Variants in KALRN observed in about 807,000 individuals in gnomAD.
KALRN encodes the protein kalirin RhoGEF kinase.
In KALRN, 70 loss-of-function variants were observed where a neutral mutation model predicts 353.7. The ratio of observed to expected loss-of-function variants is 0.20; its 90% CI spans 0.16 to 0.24. The LOEUF (loss-of-function observed/expected upper bound fraction) is 0.24, where lower values mean the gene tolerates loss of function less well. KALRN is among the 10% of genes least tolerant of loss of function. KALRN has a pLI of 1.00. For synonymous variants in KALRN, 1,391 were observed against 1,434.8 expected (o/e 0.97, Z 0.69); for missense variants, 2,791 against 3,756.7 (o/e 0.74, Z 6.72).
intron 1 of KALRN, among the ~76,000 whole-genome samples, chr3:124,174,205 G>A (rs981851190): frequency 1.3e-5 from 2 of 151,924 alleles, no homozygotes; most frequent in Non-Finnish European, 2.9e-5. Context: ...AGGCTGAGGT[G>A]GATGGATCAC....
At chr3:124,703,962 C>A (rs1220446550) in intron 57 of KALRN, among the ~76,000 whole-genome samples, 2 of 152,154 alleles carry the variant, frequency 1.3e-5, no homozygotes, top group African/African-American at 4.8e-5. Context: ...AGCCACCCAT[C>A]TCACCCAGCC....
chr3:124,675,510 C>CTCT (rs201820481), intron 49 of KALRN: 1 of 122,062 alleles, frequency 8.2e-6, no homozygotes, highest in Admixed American at 9.2e-5. Context: ...TCTTTTCCTC[C>CTCT]TCTTCTTCTT....
At chr3:124,682,028 T>A (rs1456632014) in intron 51 of KALRN, among the ~76,000 whole-genome samples, 1 of 152,162 alleles carries the variant, frequency 6.6e-6, no homozygotes, top group Non-Finnish European at 1.5e-5. Context: ...CACTGCTAGT[T>A]TGGTATTTTC....
chr3:124,628,067 A>T (rs2080166692), intron 34 of KALRN, among the ~76,000 whole-genome samples: 3 of 152,284 alleles, frequency 2.0e-5, no homozygotes, highest in Admixed American at 6.5e-5. Context: ...ATTTGTGCCC[A>T]TGAGACCAGC....
intron 1 of KALRN, among the ~76,000 whole-genome samples, chr3:124,062,134 G>T (rs1010516311): frequency 3.3e-5 from 5 of 152,138 alleles, no homozygotes; most frequent in Admixed American, 6.5e-5. Flanking sequence ...GTGTGTTTGT[G>T]TGCTTATTTC....
At chr3:124,651,120 T>C (rs1283824489) in intron 38 of KALRN, among the ~76,000 whole-genome samples, 182 bp downstream of exon 38, 1 of 152,232 alleles carries the variant, frequency 6.6e-6, no homozygotes, top group Admixed American at 6.5e-5. Context: ...ACTGACTTGA[T>C]TGAAGTTTAG....
At chr3:124,194,150 G>A (rs535107794) in intron 1 of KALRN, among the ~76,000 whole-genome samples, 1 of 151,660 alleles carries the variant, frequency 6.6e-6, no homozygotes, top group Non-Finnish European at 1.5e-5. Context: ...AGCAATTAGA[G>A]AGCAAGAGAA....
At chr3:124,313,215 A>G (rs2078458540) in intron 6 of KALRN, among the ~76,000 whole-genome samples, 1 of 152,196 alleles carries the variant, frequency 6.6e-6, no homozygotes, top group South Asian at 2.1e-4. Context: ...ACTGATCCCA[A>G]ACATCTTTGT....
In KALRN at chr3:124,195,196, T is replaced by C. The variant is rs550862194; in HGVS notation, c.74-32794T>C. On this transcript the variant is annotated intron_variant, in intron 1 of 59. Coordinates refer to ENST00000682506, the MANE Select transcript of KALRN (RefSeq NM_001388419.1). ...CATTTTTACTATAGCCCCTCATTAA[T>C]GAACTTCTCTCCTGGAGGTTAGCCA... Among the ~76,000 whole-genome samples, 90 of 152,296 alleles carry C rather than the reference T, an allele frequency of 5.9e-4. 1 individual carries two copies. The South Asian group carries it at 0.018, about 30-fold the overall frequency.
At chr3:124,274,586 T>C (rs916081398) in intron 5 of KALRN, among the ~76,000 whole-genome samples, 5 of 152,222 alleles carry the variant, frequency 3.3e-5, no homozygotes, top group Non-Finnish European at 7.3e-5. Flanking sequence ...TAATGGGGCT[T>C]CCAGTATTGA....
At position 124,428,939 on chromosome 3, in the gene KALRN, C is replaced by T. The variant is rs983329834; in HGVS notation, c.2710-1717C>T. Reference sequence around the variant, plus strand: ...CTTGGAGAAGTGGTTTCTCTGACACCCTCAAATGAATCTTCAGACCAAACA... The same window carrying T: ...CTTGGAGAAGTGGTTTCTCTGACACTCTCAAATGAATCTTCAGACCAAACA... On this transcript the variant is annotated intron_variant, in intron 15 of 59. Coordinates refer to ENST00000682506, the MANE Select transcript of KALRN (RefSeq NM_001388419.1). Among the ~76,000 whole-genome samples, 23 of 152,094 alleles carry T rather than the reference C, an allele frequency of 1.5e-4. No homozygotes were observed. In the East Asian group the frequency reaches 2.9e-3, roughly 19 times the overall value.
intron 34 of KALRN, among the ~76,000 whole-genome samples, chr3:124,625,155 A>G (rs189376900): frequency 4.6e-5 from 7 of 152,336 alleles, no homozygotes; most frequent in Admixed American, 3.3e-4. Context: ...GAGCAACCTT[A>G]TGAGATAGGT....
intron 5 of KALRN, among the ~76,000 whole-genome samples, chr3:124,289,178 T>TGGG (rs146899658): frequency 1.0e-3 from 159 of 151,838 alleles, no homozygotes; most frequent in African/African-American, 3.7e-3. Context: ...AATTCCATCA[T>TGGG]GGGGGGGGTC....
chr3:124,150,680 G>A (rs1410175762), intron 1 of KALRN, among the ~76,000 whole-genome samples: 1 of 152,200 alleles, frequency 6.6e-6, no homozygotes, highest in African/African-American at 2.4e-5. Context: ...CTTAAATGTA[G>A]TTTGTGTTTA....
intron 33 of KALRN, among the ~76,000 whole-genome samples, chr3:124,508,176 A>G (rs557513735): frequency 6.6e-6 from 1 of 152,320 alleles, no homozygotes; most frequent in East Asian, 1.9e-4. Context: ...AAATGTACAA[A>G]CAGAACTGAA....
At chr3:124,505,285 G>T (rs1190761468) in intron 33 of KALRN, among the ~76,000 whole-genome samples, 2 of 152,102 alleles carry the variant, frequency 1.3e-5, no homozygotes, top group Non-Finnish European at 2.9e-5. Flanking sequence ...TTGGAAGTGT[G>T]GTACCTAGAG....
At position 124,326,128 on chromosome 3, in the gene KALRN, C is replaced by A. The variant is rs1445082655; in HGVS notation, c.1241C>A (p.Thr414Asn). Residue 414 changes from threonine (T) to asparagine (N), a missense_variant, in exon 7 of 60, where the codon ACC becomes AAC. Thr to Asn is a moderately conservative substitution (Grantham distance 65). Around this residue, in one of 11 missense-constraint regions of KALRN, gnomAD observed 366 missense variants for 489.2 expected, o/e 0.75. Transcript: ENST00000682506. ...SFAAALDERS[T>N]ILAMSAVFHQ... ...GCTGCTGCCCTGGATGAACGCAGCACCATCCTCGCCATGTCTGCTGTGTTC... is the reference window on the plus strand; with the variant it reads ...GCTGCTGCCCTGGATGAACGCAGCAACATCCTCGCCATGTCTGCTGTGTTC... 1 of 1,613,534 alleles carries A rather than the reference C, an allele frequency of 6.2e-7. No individual in the cohort carries two copies. The highest frequency in any genetic ancestry group is 1.1e-5 in the South Asian group (1 of 90,836).
At chr3:124,638,726 C>A (rs2081652423) in intron 37 of KALRN, among the ~76,000 whole-genome samples, 1 of 150,710 alleles carries the variant, frequency 6.6e-6, no homozygotes, top group Admixed American at 6.7e-5. Context: ...CTTATTGCCT[C>A]CCTCTTGGCT....
chr3:124,559,799 G>C (rs1005724747), intron 33 of KALRN, among the ~76,000 whole-genome samples: 1 of 152,168 alleles, frequency 6.6e-6, no homozygotes, highest in Non-Finnish European at 1.5e-5. Flanking sequence ...TTTGGAATTC[G>C]CTTCTTGCCA....
Sources: gnomAD v4.1 joint callset for allele counts (sites outside exome capture counted in the v4.1 genomes callset) on GRCh38, gnomAD v4.1.1 for gene constraint, gnomAD v4.1.1 regional missense constraint, MANE v1.5 for transcripts, NCBI Gene and HGNC (gene_info 2026-07-23, HGNC 2026-07-21) for gene names.